Variants in ZCCHC24 observed in about 807,000 individuals in gnomAD.
The protein encoded by ZCCHC24 is zinc finger CCHC-type containing 24.
In ZCCHC24, 10 loss-of-function variants were observed where a neutral mutation model predicts 26.2. That is an observed-to-expected ratio of 0.38 (90% CI 0.24 to 0.65). The LOEUF is 0.65. ZCCHC24 is among the 30% of genes least tolerant of loss of function. The probability of loss-of-function intolerance (pLI) is 0.54; values close to 1 mark genes in which losing one functional copy is unlikely to be tolerated. For missense variants in ZCCHC24, 243 were observed against 329.1 expected (o/e 0.74, Z 2.03); for synonymous variants, 144 against 147.1 (o/e 0.98, Z 0.15).
chr10:79,386,307 C>T lies in ZCCHC24; in HGVS notation c.*38G>A. 6.3e-7 allele frequency: 1 copy of T among 1,589,546 alleles called. No homozygotes were observed. The highest frequency in any genetic ancestry group is 8.6e-7 in the Non-Finnish European group (1 of 1,163,536). On this transcript the variant is annotated 3_prime_UTR_variant, in exon 4 of 4. Transcript: ENST00000372336. ...CACAGGGAAGCAGCGTCTCCTCGGG[C>T]TGGCGGGGGGTGGCTCTGGGTGCGG...
intron 1 of ZCCHC24, among the ~76,000 whole-genome samples, chr10:79,436,633 G>T (rs1857220927): frequency 6.6e-6 from 1 of 152,232 alleles, no homozygotes; most frequent in Admixed American, 6.5e-5. Context: ...GAAGACAAAG[G>T]TTCTGCAACC....
chr10:79,402,271 T>C (rs1856643265), intron 2 of ZCCHC24, among the ~76,000 whole-genome samples: 1 of 152,204 alleles, frequency 6.6e-6, no homozygotes, highest in Non-Finnish European at 1.5e-5. Flanking sequence ...GGTTTTTCTT[T>C]TTTTTTCTTT....
chr10:79,395,214 G>GCT (rs1554840302), intron 2 of ZCCHC24, among the ~76,000 whole-genome samples: 25 of 150,962 alleles, frequency 1.7e-4, no homozygotes, highest in African/African-American at 5.8e-4. Context: ...CCTGGCTACT[G>GCT]TTTTTTTTTA....
At chr10:79,433,076 T>C (rs901431138) in intron 1 of ZCCHC24, among the ~76,000 whole-genome samples, 1 of 152,158 alleles carries the variant, frequency 6.6e-6, no homozygotes, top group Non-Finnish European at 1.5e-5. Flanking sequence ...TAAATGGCAA[T>C]GATGTTGATG....
rs55762333 is a variant in ZCCHC24 at position 79,441,079 on chromosome 10, AACACACACACACACACAC to A, written c.246+4098_246+4115del. On this transcript the variant is annotated intron_variant, in intron 1 of 3. Transcript: ENST00000372336. ...TCTCAGGCCCTGGAGCTGCCCCCTA[AACACACACACACACACAC>A]ACACACACACACACACACACCACAA... Among the ~76,000 whole-genome samples the A allele has an allele frequency of 2.4e-3, 321 of 135,662 alleles. 2 individuals are homozygous for A. In the South Asian group the frequency reaches 0.03, roughly 13 times the overall value. 89.0% of individuals were successfully genotyped at this position (135,662 alleles called of 152,430 possible).
intron 2 of ZCCHC24, among the ~76,000 whole-genome samples, chr10:79,411,378 T>G (rs1589667510): frequency 6.6e-6 from 1 of 152,248 alleles, no homozygotes; most frequent in East Asian, 1.9e-4. Context: ...GCAGGAACCA[T>G]GTGAACACAG....
intron 1 of ZCCHC24, among the ~76,000 whole-genome samples, chr10:79,436,053 C>T (rs1439972310): frequency 6.6e-6 from 1 of 152,186 alleles, no homozygotes; most frequent in East Asian, 1.9e-4. Context: ...TCCAGACACC[C>T]GGGTCCTGAG....
chr10:79,405,263 T>C (rs58479707), intron 2 of ZCCHC24, among the ~76,000 whole-genome samples: 4,082 of 152,302 alleles, frequency 0.027, 199 homozygotes, highest in African/African-American at 0.094. Flanking sequence ...CCTACTGCCA[T>C]CTTGTTTCCC....
chr10:79,398,696 TC>T (rs1856581700), intron 2 of ZCCHC24, among the ~76,000 whole-genome samples: 2 of 152,130 alleles, frequency 1.3e-5, no homozygotes, highest in Admixed American at 1.3e-4. Context: ...CTGCAGAAGC[TC>T]TGGGGACACT....
intron 2 of ZCCHC24, among the ~76,000 whole-genome samples, chr10:79,395,311 A>G (rs1856531273): frequency 6.6e-6 from 1 of 152,230 alleles, no homozygotes; most frequent in Non-Finnish European, 1.5e-5. Flanking sequence ...ATATAAGTCC[A>G]TGCAAGCTCC....
At chr10:79,429,259 G>A (rs570414637) in intron 2 of ZCCHC24, among the ~76,000 whole-genome samples, 2 of 152,302 alleles carry the variant, frequency 1.3e-5, no homozygotes, top group South Asian at 2.1e-4. Flanking sequence ...TAGATGAGTG[G>A]TTATGGATGC....
intron 2 of ZCCHC24, among the ~76,000 whole-genome samples, chr10:79,419,720 G>A (rs1789104768): frequency 6.6e-6 from 1 of 152,162 alleles, no homozygotes; most frequent in Admixed American, 6.5e-5. Flanking sequence ...CCCAAAGGAG[G>A]TGACACTTGG....
intron 2 of ZCCHC24, among the ~76,000 whole-genome samples, chr10:79,409,979 G>T (rs747367): frequency 2.1e-4 from 32 of 152,316 alleles, no homozygotes; most frequent in African/African-American, 7.7e-4. Flanking sequence ...TCAACCCTGT[G>T]CCTCCGCCCC....
At chr10:79,432,852 C>T (rs1857154029) in intron 1 of ZCCHC24, 94 bp from the exon 2 acceptor site, 2 of 1,354,954 alleles carry the variant, frequency 1.5e-6, no homozygotes, top group Non-Finnish European at 9.9e-7. Context: ...CACACTGAGT[C>T]TTCAGCTACC....
chr10:79,406,306 C>T (rs751874230), intron 2 of ZCCHC24, among the ~76,000 whole-genome samples: 2 of 152,090 alleles, frequency 1.3e-5, no homozygotes, highest in Non-Finnish European at 2.9e-5. Flanking sequence ...GTCCAGAAGG[C>T]CATGGACAGG....
intron 1 of ZCCHC24, among the ~76,000 whole-genome samples, chr10:79,435,178 AT>A (rs1284290111): frequency 1.4e-5 from 2 of 148,108 alleles, no homozygotes; most frequent in Non-Finnish European, 3.0e-5. Context: ...CCCTCTTAAT[AT>A]TTTTTTCTTT....
chr10:79,434,092 G>A (rs568782662), intron 1 of ZCCHC24, among the ~76,000 whole-genome samples: 1 of 152,336 alleles, frequency 6.6e-6, no homozygotes, highest in South Asian at 2.1e-4. Context: ...ACACACGGCT[G>A]TGTGACCACA....
chr10:79,414,826 A>T (rs1248900791), intron 2 of ZCCHC24, among the ~76,000 whole-genome samples: 1 of 152,190 alleles, frequency 6.6e-6, no homozygotes, highest in Non-Finnish European at 1.5e-5. Flanking sequence ...AAAAAAACCC[A>T]GGTGGTTCTA....
chr10:79,421,373 C>G (rs2132205403), intron 2 of ZCCHC24, among the ~76,000 whole-genome samples: 1 of 152,218 alleles, frequency 6.6e-6, no homozygotes, highest in Non-Finnish European at 1.5e-5. Flanking sequence ...GCCCTAGGCC[C>G]AGTCCTTCCT....
Sources: allele counts gnomAD v4.1 joint callset (sites outside exome capture counted in the v4.1 genomes callset), GRCh38; gene constraint gnomAD v4.1.1; transcripts MANE v1.5; gene names NCBI Gene and HGNC (gene_info 2026-07-23, HGNC 2026-07-21).